ADGRB3: variants seen among roughly 807,000 people sequenced by gnomAD.
ADGRB3 encodes brain-specific angiogenesis inhibitor 3.
Under a neutral mutation model 193.4 loss-of-function variants are expected in ADGRB3, and 37 were observed. The observed-to-expected ratio is 0.19, with a 90% confidence interval of 0.15 to 0.25. ADGRB3 has a LOEUF of 0.25. Ranked by LOEUF, ADGRB3 falls within the 10% of genes least tolerant of loss-of-function variation. The pLI is 1.00. For missense variants in ADGRB3, 1,637 were observed against 1,852.9 expected (o/e 0.88, Z 2.14); for synonymous variants, 690 against 644.2 (o/e 1.07, Z -1.08).
At chr6:68,908,534 G>C (rs950044150) in intron 3 of ADGRB3, among the ~76,000 whole-genome samples, 1 of 151,932 alleles carries the variant, frequency 6.6e-6, no homozygotes, top group African/African-American at 2.4e-5. Context: ...TATTTGCTTT[G>C]TAGACCCTAT....
At chr6:68,705,454 TCTC>T (rs572367853) in intron 3 of ADGRB3, among the ~76,000 whole-genome samples, 39 of 152,292 alleles carry the variant, frequency 2.6e-4, no homozygotes, top group African/African-American at 8.9e-4. Flanking sequence ...CATTTCAGGA[TCTC>T]CTCCTTTCCT....
chr6:68,861,518 C>T (rs1000237814), intron 3 of ADGRB3, among the ~76,000 whole-genome samples: 19 of 152,022 alleles, frequency 1.2e-4, no homozygotes, highest in Non-Finnish European at 1.6e-4. Flanking sequence ...GCCGAGATCG[C>T]GCCACTGCAC....
chr6:69,362,737 A>T (rs1769479508), intron 29 of ADGRB3, among the ~76,000 whole-genome samples: 1 of 151,942 alleles, frequency 6.6e-6, no homozygotes, highest in Non-Finnish European at 1.5e-5. Context: ...GGGTGACTGA[A>T]GCTCCCTTCT....
intron 26 of ADGRB3, among the ~76,000 whole-genome samples, chr6:69,349,104 A>T (rs887574154): frequency 1.3e-5 from 2 of 152,334 alleles, no homozygotes; most frequent in African/African-American, 4.8e-5. Context: ...TGTGACACTG[A>T]AATAATGTCT....
intron 3 of ADGRB3, among the ~76,000 whole-genome samples, chr6:68,824,161 G>C (rs1362350879): frequency 1.3e-5 from 2 of 151,938 alleles, no homozygotes; most frequent in Non-Finnish European, 2.9e-5. Flanking sequence ...TCTATTTTAT[G>C]ACCATGAAAC....
intron 8 of ADGRB3, among the ~76,000 whole-genome samples, chr6:68,967,081 C>G (rs571545591): frequency 6.6e-6 from 1 of 152,146 alleles, no homozygotes; most frequent in African/African-American, 2.4e-5. Flanking sequence ...AAACCCTGGA[C>G]CAGTTTGCAC....
intron 20 of ADGRB3, among the ~76,000 whole-genome samples, chr6:69,261,638 CTT>C (rs1766931491): frequency 6.6e-6 from 1 of 151,826 alleles, no homozygotes; most frequent in Admixed American, 6.6e-5. Flanking sequence ...ACCTGTGTCT[CTT>C]GGGATAGAAT....
intron 4 of ADGRB3, among the ~76,000 whole-genome samples, chr6:68,931,994 G>A (rs748448714): frequency 5.9e-5 from 9 of 152,044 alleles, no homozygotes; most frequent in Non-Finnish European, 1.3e-4. Flanking sequence ...GTCTAAAAGT[G>A]CATTATCAGG....
chr6:69,208,900 C>T lies in ADGRB3; in HGVS notation c.2481-24390C>T, dbSNP rs146507709. Among the ~76,000 whole-genome samples, 344 of 152,308 alleles carry T rather than the reference C, an allele frequency of 2.3e-3. 4 individuals carry two copies. The highest frequency in any genetic ancestry group is 8.1e-3 in the African/African-American group (336 of 41,568). Reference sequence around the variant, plus strand: ...AGTTCATGATAAGCAGTTCAGTTCACAGGGTAACATGATGACCCATGGTCA... The same window carrying T: ...AGTTCATGATAAGCAGTTCAGTTCATAGGGTAACATGATGACCCATGGTCA... On this transcript the variant is annotated intron_variant, in intron 17 of 31. Transcript: ENST00000370598.
At chr6:68,950,678 T>A (rs529784645) in intron 6 of ADGRB3, among the ~76,000 whole-genome samples, 2 of 152,242 alleles carry the variant, frequency 1.3e-5, no homozygotes, top group African/African-American at 4.8e-5. Flanking sequence ...TAATTTTCTA[T>A]TTTTCTGCAC....
In ADGRB3 at chr6:68,961,036, T is replaced by A; in HGVS notation, c.1525+4227T>A. Among the ~76,000 whole-genome samples, 3 of 152,316 alleles carry A rather than the reference T, an allele frequency of 2.0e-5. 1 individual carries two copies. In the South Asian group the frequency reaches 6.2e-4, roughly 32 times the overall value. On this transcript the variant is annotated intron_variant, in intron 8 of 31. Transcript: ENST00000370598. ...TCAACAAAATTGCAAAATTTTATTT[T>A]TTTCATCCTTTTTCATAAACGATGA...
intron 20 of ADGRB3, among the ~76,000 whole-genome samples, chr6:69,299,254 T>C (rs1173259845): frequency 1.3e-5 from 2 of 151,970 alleles, no homozygotes; most frequent in African/African-American, 4.8e-5. Flanking sequence ...TTTTTTGTTT[T>C]GTTTAGTTTT....
chr6:68,941,483 C>T (rs986775296), intron 5 of ADGRB3, among the ~76,000 whole-genome samples: 5 of 151,776 alleles, frequency 3.3e-5, no homozygotes, highest in Non-Finnish European at 7.4e-5. Context: ...CAAGGTTAAT[C>T]AACATTTTTT....
chr6:68,704,087 A>T (rs554685641), intron 3 of ADGRB3, among the ~76,000 whole-genome samples: 7 of 152,340 alleles, frequency 4.6e-5, no homozygotes, highest in African/African-American at 1.7e-4. Context: ...ACAGCATTTT[A>T]CCATTGAATA....
intron 17 of ADGRB3, among the ~76,000 whole-genome samples, chr6:69,094,306 T>C (rs1036051406): frequency 2.0e-5 from 3 of 152,222 alleles, no homozygotes; most frequent in Non-Finnish European, 4.4e-5. Flanking sequence ...AACTTCCAAA[T>C]TGATGGCTCT....
At chr6:68,911,654 T>G (rs1322508809) in intron 3 of ADGRB3, among the ~76,000 whole-genome samples, 1 of 152,216 alleles carries the variant, frequency 6.6e-6, no homozygotes, top group Non-Finnish European at 1.5e-5. Context: ...GACGTGAAAC[T>G]TAACATTTAT....
At chr6:68,840,214 G>A (rs1374301484) in intron 3 of ADGRB3, among the ~76,000 whole-genome samples, 1 of 151,972 alleles carries the variant, frequency 6.6e-6, no homozygotes, top group Non-Finnish European at 1.5e-5. Flanking sequence ...GAACTAGTAA[G>A]ACACCAAGCT....
At chr6:68,941,182 TA>T (rs1170207935) in intron 5 of ADGRB3, among the ~76,000 whole-genome samples, 2 of 152,216 alleles carry the variant, frequency 1.3e-5, no homozygotes, top group African/African-American at 4.8e-5. Flanking sequence ...GCTGCAAAAT[TA>T]AAAAATATAT....
intron 3 of ADGRB3, among the ~76,000 whole-genome samples, chr6:68,893,878 C>T (rs1766149319): frequency 6.6e-6 from 1 of 151,784 alleles, no homozygotes; most frequent in Non-Finnish European, 1.5e-5. Flanking sequence ...ACTTATATAC[C>T]TTTCTTCCTC....
Sources: allele counts gnomAD v4.1 joint callset (sites outside exome capture counted in the v4.1 genomes callset), GRCh38; gene constraint gnomAD v4.1.1; transcripts MANE v1.5; gene names NCBI Gene and HGNC (gene_info 2026-07-23, HGNC 2026-07-21).